The following ARHGAP28 variants were observed in gnomAD, a reference collection of about 807,000 sequenced individuals.
ARHGAP28 encodes rho GTPase-activating protein 28.
Under a neutral mutation model 90.7 loss-of-function variants are expected in ARHGAP28, and 56 were observed. The observed-to-expected ratio is 0.62, with a 90% CI of 0.50 to 0.77. The LOEUF (loss-of-function observed/expected upper bound fraction) is 0.77, where lower values mean the gene tolerates loss of function less well. ARHGAP28 is among the 30% of genes least tolerant of loss of function. The probability of loss-of-function intolerance (pLI) is 0.00; values close to 1 mark genes in which losing one functional copy is unlikely to be tolerated. For synonymous variants in ARHGAP28, 308 were observed against 323.3 expected (o/e 0.95, Z 0.51); for missense variants, 869 against 900.9 (o/e 0.96, Z 0.45).
intron 16 of ARHGAP28, among the ~76,000 whole-genome samples, chr18:6,907,047 A>G (rs1430074973): frequency 6.6e-6 from 1 of 152,232 alleles, no homozygotes; most frequent in Non-Finnish European, 1.5e-5. Context: ...AAATATGCCC[A>G]TGAAAAGATG....
chr18:6,877,405 G>A (rs1003338175), intron 10 of ARHGAP28, among the ~76,000 whole-genome samples: 2 of 152,180 alleles, frequency 1.3e-5, no homozygotes, highest in South Asian at 2.1e-4. Context: ...CCGTGTGCTG[G>A]GCAGAATGGG....
intron 1 of ARHGAP28, among the ~76,000 whole-genome samples, chr18:6,751,151 T>A (rs996447369): frequency 7.9e-5 from 12 of 152,166 alleles, no homozygotes; most frequent in Non-Finnish European, 1.5e-4. Flanking sequence ...TGATTTTTTT[T>A]AATTGAAAAA....
chr18:6,816,936 A>T (rs924825364), intron 1 of ARHGAP28, among the ~76,000 whole-genome samples: 2 of 151,724 alleles, frequency 1.3e-5, no homozygotes, highest in Non-Finnish European at 2.9e-5. Flanking sequence ...AAAAACAAAA[A>T]AAAATTAGCC....
intron 1 of ARHGAP28, among the ~76,000 whole-genome samples, chr18:6,792,848 T>C (rs1250784738): frequency 1.3e-5 from 2 of 152,210 alleles, no homozygotes; most frequent in Admixed American, 6.5e-5. Flanking sequence ...ATTAGACATA[T>C]GAATGTTGCT....
At chr18:6,877,164 A>G (rs2057137669) in intron 10 of ARHGAP28, among the ~76,000 whole-genome samples, 1 of 152,236 alleles carries the variant, frequency 6.6e-6, no homozygotes, top group Non-Finnish European at 1.5e-5. Flanking sequence ...TATTTGTATC[A>G]GTATCAGAGT....
chr18:6,841,180 CCTCTCTCTCTCT>C (rs143797436), intron 3 of ARHGAP28, among the ~76,000 whole-genome samples: 61 of 57,062 alleles, frequency 1.1e-3, no homozygotes, highest in Middle Eastern at 7.8e-3. Flanking sequence ...CTCTCTCTCT[CCTCTCTCTCTCT>C]CTCTCTCTCT....
intron 1 of ARHGAP28, among the ~76,000 whole-genome samples, chr18:6,756,215 A>G (rs1272672677): frequency 2.6e-5 from 4 of 152,218 alleles, no homozygotes; most frequent in Non-Finnish European, 5.9e-5. Flanking sequence ...GGAAGAGCCA[A>G]CTATTCTTTT....
intron 2 of ARHGAP28, among the ~76,000 whole-genome samples, chr18:6,826,683 CTTTTTTTTTTT>C (rs36069648): frequency 1.1e-4 from 10 of 88,262 alleles, no homozygotes; most frequent in African/African-American, 4.5e-4. Context: ...GGATTTTGAG[CTTTTTTTTTTT>C]TTTTTTTTTT....
At chr18:6,730,236 T>TATATATATATATATATAC (rs767639864) in intron 1 of ARHGAP28, 2,602 of 198,458 alleles carry the variant, frequency 0.013, 49 homozygotes, top group South Asian at 0.019. Context: ...TATATATATA[T>TATATATATATATATATAC]ACCTCATTTC....
chr18:6,749,531 T>G (rs372292555), intron 1 of ARHGAP28, among the ~76,000 whole-genome samples: 1 of 152,214 alleles, frequency 6.6e-6, no homozygotes, highest in Admixed American at 6.5e-5. Context: ...TCCAATGTTC[T>G]AACATTTCTA....
At chr18:6,859,729 A>G in intron 4 of ARHGAP28, 79 bp from the exon 5 acceptor site, 3 of 1,368,338 alleles carry the variant, frequency 2.2e-6, no homozygotes, top group Admixed American at 3.5e-5. Flanking sequence ...ATATCTCAGT[A>G]TGAACACAGA....
intron 3 of ARHGAP28, among the ~76,000 whole-genome samples, chr18:6,841,606 C>T (rs953840821): frequency 1.3e-5 from 2 of 151,276 alleles, no homozygotes; most frequent in African/African-American, 2.4e-5. Flanking sequence ...TTTTTTTGCA[C>T]ATAGAATCCC....
Position 6,863,489 on chromosome 18 carries a change from T to A in ARHGAP28, c.726+3592T>A, listed in dbSNP as rs576772200. ...GTGTTATGTTATTCTTTTATTAAAC[T>A]GTAGAATTTGATTCACTACTATTTT... On this transcript the variant is annotated intron_variant, in intron 5 of 17. Transcript: ENST00000383472. Among the ~76,000 whole-genome samples, 14 of 151,738 alleles carry A rather than the reference T, an allele frequency of 9.2e-5. No homozygotes were observed. The South Asian group carries it at 2.7e-3, about 29-fold the overall frequency.
chr18:6,895,652 T>A (rs2057299380), intron 15 of ARHGAP28, among the ~76,000 whole-genome samples: 1 of 152,212 alleles, frequency 6.6e-6, no homozygotes, highest in Non-Finnish European at 1.5e-5. Flanking sequence ...TCTCTTCTCC[T>A]CTTACAAGGA....
At chr18:6,868,611 GC>G (rs5822928) in intron 6 of ARHGAP28, among the ~76,000 whole-genome samples, 129,113 of 151,844 alleles carry the variant, frequency 0.85, 55,274 homozygotes, top group Non-Finnish European at 0.91. Context: ...AGAGCAGCTT[GC>G]CCCCTGACAA....
intron 1 of ARHGAP28, among the ~76,000 whole-genome samples, chr18:6,776,453 T>G (rs1014901368): frequency 1.3e-5 from 2 of 152,214 alleles, no homozygotes; most frequent in Admixed American, 6.5e-5. Context: ...GCCACCGGCT[T>G]GAGTATCACA....
intron 2 of ARHGAP28, chr18:6,834,631 G>A (rs909319562): frequency 1.3e-5 from 2 of 152,212 alleles, no homozygotes; most frequent in African/African-American, 4.8e-5. Context: ...AGGGGATCAA[G>A]AATGGCATAG....
intron 1 of ARHGAP28, among the ~76,000 whole-genome samples, chr18:6,736,458 G>A (rs1471325460): frequency 3.3e-5 from 5 of 151,822 alleles, no homozygotes; most frequent in African/African-American, 1.2e-4. Flanking sequence ...GAAAAAAATC[G>A]GCTGGGTGCA....
intron 6 of ARHGAP28, among the ~76,000 whole-genome samples, chr18:6,869,586 G>A (rs1273839452): frequency 4.0e-5 from 6 of 151,850 alleles, no homozygotes; most frequent in Non-Finnish European, 5.9e-5. Context: ...CTAAGTTCTC[G>A]CTGCACTCAT....
Sources: gnomAD v4.1 joint callset for allele counts (sites outside exome capture counted in the v4.1 genomes callset) on GRCh38, gnomAD v4.1.1 for gene constraint, MANE v1.5 for transcripts, NCBI Gene and HGNC (gene_info 2026-07-23, HGNC 2026-07-21) for gene names.